The following KIF4A variants were observed in gnomAD, a reference collection of about 807,000 sequenced individuals.
KIF4A encodes the protein kinesin family member 4A.
Under a neutral mutation model 105.9 loss-of-function variants are expected in KIF4A, and 7 were observed. That is an observed-to-expected ratio of 0.07 (90% confidence interval 0.04 to 0.12). The LOEUF (loss-of-function observed/expected upper bound fraction) is 0.12, where lower values mean the gene tolerates loss of function less well. Ranked by LOEUF, KIF4A falls within the 10% of genes least tolerant of loss-of-function variation. The pLI is 1.00. For missense variants in KIF4A, 558 were observed against 929.2 expected (o/e 0.60, Z 5.19); for synonymous variants, 281 against 331.3 (o/e 0.85, Z 1.65).
chrX:70,299,714 T>C (rs773512363), intron 5 of KIF4A, among the ~76,000 whole-genome samples: 73 of 111,442 alleles, frequency 6.6e-4, no homozygotes, highest in Non-Finnish European at 1.3e-3. Flanking sequence ...ATTGAACATA[T>C]CTATATCCAA....
intron 10 of KIF4A, among the ~76,000 whole-genome samples, chrX:70,334,118 T>A (rs1204201290): frequency 2.7e-5 from 3 of 111,713 alleles, no homozygotes; most frequent in African/African-American, 9.8e-5. Context: ...AAACTCATCT[T>A]GTATTTTCCC....
intron 11 of KIF4A, among the ~76,000 whole-genome samples, chrX:70,343,164 C>T (rs2085978561): frequency 9.0e-6 from 1 of 111,005 alleles, no homozygotes; most frequent in Admixed American, 9.6e-5. Context: ...AACTAGCCTA[C>T]CATATCAAAT....
At chrX:70,419,915 ATAGACTC>A in intron 30 of KIF4A, 132 bp downstream of exon 30, 3 of 1,025,293 alleles carry the variant, frequency 2.9e-6, no homozygotes, top group Non-Finnish European at 4.0e-6. Context: ...GGGATCGGGC[ATAGACTC>A]TAGTCTGGTT....
At chrX:70,364,809 T>C (rs1436987562) in intron 15 of KIF4A, among the ~76,000 whole-genome samples, 1 of 111,934 alleles carries the variant, frequency 8.9e-6, no homozygotes, top group Admixed American at 9.5e-5. Context: ...GGGGATGGCA[T>C]TGAATCTATA....
chrX:70,410,107 A>C (rs144962186), intron 28 of KIF4A, among the ~76,000 whole-genome samples: 196 of 112,413 alleles, frequency 1.7e-3, no homozygotes, highest in Middle Eastern at 0.014. Context: ...AGTTAGCATA[A>C]AATCTGGTTT....
At position 70,417,882 on chromosome X, in the gene KIF4A, T is replaced by C. The variant is rs150518238; in HGVS notation, c.3256-6T>C. On this transcript the variant is annotated splice_region_variant and splice_polypyrimidine_tract_variant and intron_variant, in intron 28 of 30. Transcript: ENST00000374403. ...TAATGTGTCTTTCTGCAAACCTGTT[T>C]TGCAGTGTTCCTGCAAGGGCTGGTG... The C allele has an allele frequency of 1.6e-4, 197 of 1,197,736 alleles. 2 individuals are homozygous for C. The highest frequency in any genetic ancestry group is 1.4e-3 in the Middle Eastern group (6 of 4,258).
chrX:70,386,180 T>C (rs2086217116), intron 18 of KIF4A, among the ~76,000 whole-genome samples: 1 of 111,218 alleles, frequency 9.0e-6, no homozygotes, highest in East Asian at 2.8e-4. Flanking sequence ...ATAGACTTTC[T>C]CTTTTTTGCC....
chrX:70,407,415 C>T (rs1339240238), intron 28 of KIF4A, among the ~76,000 whole-genome samples: 1 of 111,613 alleles, frequency 9.0e-6, no homozygotes, highest in East Asian at 2.8e-4. Flanking sequence ...CCTAGCTCTT[C>T]AACTTTGTCA....
intron 15 of KIF4A, among the ~76,000 whole-genome samples, chrX:70,356,092 C>A (rs1490355853): frequency 9.0e-6 from 1 of 110,999 alleles, no homozygotes; most frequent in Non-Finnish European, 1.9e-5. Flanking sequence ...CCAGCCTGGG[C>A]AACATGGCGA....
At position 70,343,692 on chromosome X, in the gene KIF4A, C is replaced by T; in HGVS notation, c.1267-11C>T. ...CACCGCCACTGATGATCTCCTGGGT[C>T]TTTGTTGCAGACAGAGCAAGCGAAT... On this transcript the variant is annotated splice_polypyrimidine_tract_variant and intron_variant, in intron 11 of 30. Coordinates refer to ENST00000374403, the MANE Select transcript of KIF4A (RefSeq NM_012310.5). The T allele has an allele frequency of 8.3e-7, 1 of 1,209,675 alleles. No homozygotes were observed. Among genetic ancestry groups the T allele is most frequent in the Non-Finnish European group, 1.1e-6 (1 of 893,647 alleles).
intron 18 of KIF4A, among the ~76,000 whole-genome samples, chrX:70,378,283 C>T (rs986933144): frequency 1.8e-5 from 2 of 110,110 alleles, no homozygotes; most frequent in Non-Finnish European, 1.9e-5. Flanking sequence ...GAGTTCAAGA[C>T]CAGCCTGGGC....
At chrX:70,392,583 C>T (rs2086241375) in intron 20 of KIF4A, among the ~76,000 whole-genome samples, 1 of 109,844 alleles carries the variant, frequency 9.1e-6, no homozygotes, top group South Asian at 3.9e-4. Context: ...ATCACTTGAG[C>T]CCAGGAATTC....
At chrX:70,298,678 C>A (rs1370570028) in intron 4 of KIF4A, among the ~76,000 whole-genome samples, 4 of 112,520 alleles carry the variant, frequency 3.6e-5, no homozygotes, top group African/African-American at 1.3e-4. Flanking sequence ...AAACACTGTT[C>A]TAAGTACTTA....
At chrX:70,397,361 G>A (rs1050788817) in intron 22 of KIF4A, among the ~76,000 whole-genome samples, 1 of 110,777 alleles carries the variant, frequency 9.0e-6, no homozygotes, top group African/African-American at 3.3e-5. Context: ...GTGAGATTCT[G>A]TCTCAAAAAT....
chrX:70,365,638 G>A (rs1200064530), intron 15 of KIF4A, among the ~76,000 whole-genome samples: 19 of 111,191 alleles, frequency 1.7e-4, no homozygotes, highest in African/African-American at 6.2e-4. Context: ...TGCTGGATTC[G>A]GTTTGCCAGT....
chrX:70,379,354 C>T (rs1297046440), intron 18 of KIF4A, among the ~76,000 whole-genome samples: 2 of 111,216 alleles, frequency 1.8e-5, no homozygotes, highest in African/African-American at 6.5e-5. Context: ...ACAAAAACTA[C>T]CAAAACTGAC....
chrX:70,386,403 A>G (rs765786438), intron 18 of KIF4A, among the ~76,000 whole-genome samples: 4 of 111,582 alleles, frequency 3.6e-5, no homozygotes, highest in Non-Finnish European at 7.5e-5. Flanking sequence ...GAATTTGGCC[A>G]CAGAGCAATA....
At chrX:70,373,754 A>ATATACG (rs1405927336) in intron 15 of KIF4A, among the ~76,000 whole-genome samples, 1 of 66,808 alleles carries the variant, frequency 1.5e-5, no homozygotes, top group African/African-American at 5.5e-5. Flanking sequence ...ATACGTGTAT[A>ATATACG]TATATATATA....
chrX:70,347,969 C>T (rs1212789140), intron 13 of KIF4A, among the ~76,000 whole-genome samples: 34 of 5,367 alleles, frequency 6.3e-3, no homozygotes, highest in East Asian at 0.14. Flanking sequence ...AGCGAGACTC[C>T]GTCTCAAAAA....
Sources: gnomAD v4.1 joint callset for allele counts (sites outside exome capture counted in the v4.1 genomes callset) on GRCh38, gnomAD v4.1.1 for gene constraint, MANE v1.5 for transcripts, NCBI Gene and HGNC (gene_info 2026-07-23, HGNC 2026-07-21) for gene names.